The following FGF12 variants were observed in gnomAD, a reference collection of about 807,000 sequenced individuals.
FGF12 encodes the protein fibroblast growth factor 12, also known as fibroblast growth factor 12B.
In FGF12, 14 loss-of-function variants were observed where a neutral mutation model predicts 23.6. The ratio of observed to expected loss-of-function variants is 0.59; its 90% CI spans 0.39 to 0.93. FGF12 has a LOEUF of 0.93. Among genes scored for constraint, FGF12 ranks in the 40% least tolerant of loss-of-function variants. The pLI, the probability that FGF12 is intolerant of heterozygous loss-of-function variation, is 0.00. For missense variants in FGF12, 175 were observed against 217.8 expected (o/e 0.80, Z 1.24); for synonymous variants, 62 against 77.3 (o/e 0.80, Z 1.04).
Position 192,209,235 on chromosome 3 carries a change from CCAT to C in FGF12, c.229-38582_229-38580del, listed in dbSNP as rs537566373. On this transcript the variant is annotated intron_variant, in intron 4 of 5. Coordinates refer to ENST00000445105, the MANE Select transcript of FGF12 (RefSeq NM_004113.6). ...CCAGCTATTGCCACTACCACCACCA[CCAT>C]CATCATCATTTTCATCATCATCATG... Among the ~76,000 whole-genome samples, 51 of 152,254 alleles carry C rather than the reference CCAT, an allele frequency of 3.3e-4. 1 individual carries two copies. The highest frequency in any genetic ancestry group is 1.2e-3 in the African/African-American group (49 of 41,560).
chr3:192,170,935 A>G (rs1223786656), intron 4 of FGF12, among the ~76,000 whole-genome samples: 1 of 152,186 alleles, frequency 6.6e-6, no homozygotes, highest in East Asian at 1.9e-4. Context: ...CTGCGCTCCG[A>G]TCCTAGCAAT....
At chr3:192,458,825 T>A (rs1380735147) in intron 2 of FGF12, among the ~76,000 whole-genome samples, 1 of 152,154 alleles carries the variant, frequency 6.6e-6, no homozygotes, top group Non-Finnish European at 1.5e-5. Context: ...TTTCGCTGTG[T>A]CCCCACCCAA....
intron 4 of FGF12, among the ~76,000 whole-genome samples, chr3:192,173,537 C>CTAAT (rs891384011): frequency 6.6e-6 from 1 of 152,014 alleles, no homozygotes; most frequent in Non-Finnish European, 1.5e-5. Flanking sequence ...TTTCCTAGGA[C>CTAAT]TAATAAAGTA....
chr3:192,220,390 T>G (rs1033962511), intron 4 of FGF12, among the ~76,000 whole-genome samples: 2 of 152,172 alleles, frequency 1.3e-5, no homozygotes, highest in African/African-American at 4.8e-5. Context: ...ATATTGACTT[T>G]TAACTTTATG....
intron 4 of FGF12, among the ~76,000 whole-genome samples, chr3:192,192,295 TTCTC>T (rs1424628002): frequency 1.3e-5 from 2 of 151,912 alleles, no homozygotes; most frequent in Non-Finnish European, 2.9e-5. Flanking sequence ...GAAATTATCT[TTCTC>T]TCATTGTCTC....
At chr3:192,595,101 C>T (rs1466783208) in intron 2 of FGF12, among the ~76,000 whole-genome samples, 3 of 152,186 alleles carry the variant, frequency 2.0e-5, no homozygotes, top group African/African-American at 7.2e-5. Flanking sequence ...AATTTTTTAA[C>T]TAACTTTATT....
chr3:192,219,188 A>T (rs1338137925), intron 4 of FGF12, among the ~76,000 whole-genome samples: 1 of 152,078 alleles, frequency 6.6e-6, no homozygotes, highest in East Asian at 1.9e-4. Flanking sequence ...AGATTCAAGC[A>T]ATTCTCCCCC....
intron 3 of FGF12, among the ~76,000 whole-genome samples, chr3:192,343,143 T>C (rs867134424): frequency 2.0e-5 from 3 of 152,172 alleles, no homozygotes; most frequent in South Asian, 2.1e-4. Context: ...TATAAAAGAG[T>C]ACAGTTGTAT....
chr3:192,376,930 G>A (rs186051488), intron 2 of FGF12, among the ~76,000 whole-genome samples: 22 of 152,266 alleles, frequency 1.4e-4, no homozygotes, highest in South Asian at 1.0e-3. Flanking sequence ...TCCCTGGACT[G>A]TGAAACACAT....
chr3:192,347,139 A>G (rs1180874555), intron 3 of FGF12, among the ~76,000 whole-genome samples: 1 of 152,190 alleles, frequency 6.6e-6, no homozygotes, highest in Admixed American at 6.5e-5. Context: ...AGTACTTTTT[A>G]ACTCCCCAGA....
intron 2 of FGF12, among the ~76,000 whole-genome samples, chr3:192,385,067 T>A (rs1397528995): frequency 6.6e-6 from 1 of 152,178 alleles, no homozygotes; most frequent in Non-Finnish European, 1.5e-5. Context: ...AGGAAGCAGG[T>A]ACATAGACTC....
At chr3:192,248,602 G>A (rs1255465037) in intron 4 of FGF12, among the ~76,000 whole-genome samples, 2 of 151,900 alleles carry the variant, frequency 1.3e-5, no homozygotes, top group Non-Finnish European at 2.9e-5. Context: ...GTGAGACCCC[G>A]TCTCTACAAA....
chr3:192,297,250 A>G (rs2108655810), intron 4 of FGF12, among the ~76,000 whole-genome samples: 1 of 152,356 alleles, frequency 6.6e-6, no homozygotes, highest in African/African-American at 2.4e-5. Context: ...GAAATATGCT[A>G]TGAAGCAAAA....
intron 2 of FGF12, among the ~76,000 whole-genome samples, chr3:192,438,848 C>T (rs1410406787): frequency 1.3e-5 from 2 of 152,180 alleles, no homozygotes; most frequent in African/African-American, 2.4e-5. Flanking sequence ...CAAAGCCCCC[C>T]GGTTTCAAAA....
chr3:192,347,335 G>A (rs1469918266), intron 3 of FGF12, among the ~76,000 whole-genome samples: 3 of 152,180 alleles, frequency 2.0e-5, no homozygotes, highest in African/African-American at 7.2e-5. Context: ...ATCTCAGGCT[G>A]TATCCAAGAA....
chr3:192,296,295 C>T (rs749755445), intron 4 of FGF12, among the ~76,000 whole-genome samples: 1 of 151,440 alleles, frequency 6.6e-6, no homozygotes, highest in African/African-American at 2.4e-5. Context: ...ACAATCATGG[C>T]TCACTGCAGC....
In FGF12 at chr3:192,146,275, T is replaced by TTTTG. The variant is rs1713705527; in HGVS notation, c.428-2149_428-2148insCAAA. 8.0e-5 allele frequency among the ~76,000 whole-genome samples: 12 copies of TTTTG among 150,144 alleles called. No individual in the cohort carries two copies. In the South Asian group the frequency reaches 2.5e-3, roughly 32 times the overall value. On this transcript the variant is annotated intron_variant, in intron 5 of 5. Coordinates refer to ENST00000445105, the MANE Select transcript of FGF12 (RefSeq NM_004113.6). ...TCTAATTTTCATTAAAGTGTATATT[T>TTTTG]TTTTTTTTTTTTTGAGACGGAGTCT...
At chr3:192,714,332 A>G (rs894464479) in intron 2 of FGF12, among the ~76,000 whole-genome samples, 3 of 152,116 alleles carry the variant, frequency 2.0e-5, no homozygotes, top group African/African-American at 7.2e-5. Flanking sequence ...AAAATATGCC[A>G]TTGAAAGTGA....
At position 192,139,474 on chromosome 3, in the gene FGF12, T is replaced by C. The variant is rs1713245626; in HGVS notation, c.*4535A>G. ...AACATGTTTACTAAACATTTCAGTG[T>C]CAATAATTTCTTAAGATTGTAACAT... is the stretch of plus-strand genomic sequence containing the variant. On this transcript the variant is annotated 3_prime_UTR_variant, in exon 6 of 6. Coordinates refer to ENST00000445105, the MANE Select transcript of FGF12 (RefSeq NM_004113.6). 1.3e-5 allele frequency: 2 copies of C among 152,192 alleles called. No homozygotes were observed. The highest frequency in any genetic ancestry group is 2.1e-4 in the South Asian group (1 of 4,832). 9.4% of individuals were successfully genotyped at this position (152,192 alleles called of 1,614,324 possible).
Sources: allele counts gnomAD v4.1 joint callset (sites outside exome capture counted in the v4.1 genomes callset), GRCh38; gene constraint gnomAD v4.1.1; transcripts MANE v1.5; gene names NCBI Gene and HGNC (gene_info 2026-07-23, HGNC 2026-07-21).